The following CNBD1 variants were observed in gnomAD, a reference collection of about 807,000 sequenced individuals.
CNBD1 encodes cyclic nucleotide binding domain containing 1, also known as cyclic nucleotide-binding domain-containing protein 1.
A neutral mutation model predicts 54.4 loss-of-function variants in CNBD1; 71 were observed. The observed-to-expected ratio is 1.30, with a 90% CI of 1.08 to 1.59. The LOEUF is 1.59. Among genes scored for constraint, CNBD1 ranks in the 40% most tolerant of loss-of-function variants. The probability of loss-of-function intolerance (pLI) is 0.00; values close to 1 mark genes in which losing one functional copy is unlikely to be tolerated. For missense variants in CNBD1, 659 were observed against 518.0 expected, an observed-to-expected ratio of 1.27 and a Z score of -2.64; for synonymous variants, 182 against 170.7, an observed-to-expected ratio of 1.07 and a Z score of -0.51.
chr8:87,213,986 GC>G (rs532589024), intron 5 of CNBD1, among the ~76,000 whole-genome samples: 118 of 152,314 alleles, frequency 7.7e-4, no homozygotes, highest in Admixed American at 2.2e-3. Context: ...CCAAAATGCA[GC>G]TGGGCAGTCA....
At chr8:87,229,358 G>A (rs1013569805) in intron 5 of CNBD1, among the ~76,000 whole-genome samples, 2 of 152,048 alleles carry the variant, frequency 1.3e-5, no homozygotes, top group African/African-American at 4.8e-5. Context: ...AGGAATCCAT[G>A]CTATTTGTTT....
intron 4 of CNBD1, among the ~76,000 whole-genome samples, chr8:86,983,794 C>G (rs1808543271): frequency 6.6e-6 from 1 of 152,104 alleles, no homozygotes; most frequent in South Asian, 2.1e-4. Flanking sequence ...GAATTGGGTG[C>G]TGTTAAAAGC....
chr8:86,867,051 A>G (rs1808375600), intron 1 of CNBD1, among the ~76,000 whole-genome samples: 1 of 152,170 alleles, frequency 6.6e-6, no homozygotes, highest in Non-Finnish European at 1.5e-5. Flanking sequence ...TCTGACTGTG[A>G]AATTTATTCC....
intron 3 of CNBD1, among the ~76,000 whole-genome samples, chr8:86,910,291 A>G (rs769076940): frequency 3.4e-4 from 51 of 152,188 alleles, no homozygotes; most frequent in Non-Finnish European, 5.0e-4. Context: ...ATCCCTGCTC[A>G]TATTTGTAGA....
At chr8:87,032,061 C>G (rs1232343205) in intron 4 of CNBD1, among the ~76,000 whole-genome samples, 3 of 152,180 alleles carry the variant, frequency 2.0e-5, no homozygotes, top group Admixed American at 6.5e-5. Context: ...CTTTATATAT[C>G]TCTAAACAAA....
At chr8:87,285,399 ACTC>A (rs1247137407) in intron 7 of CNBD1, among the ~76,000 whole-genome samples, 3 of 151,918 alleles carry the variant, frequency 2.0e-5, no homozygotes, top group Non-Finnish European at 4.4e-5. Flanking sequence ...TTTTTTCTTG[ACTC>A]CTATTTTTCC....
intron 4 of CNBD1, among the ~76,000 whole-genome samples, chr8:87,127,321 T>C (rs556796524): frequency 6.6e-6 from 1 of 152,238 alleles, no homozygotes; most frequent in South Asian, 2.1e-4. Flanking sequence ...TTTTAGGTCC[T>C]CTCTAATTTC....
rs570702463 is a variant in CNBD1 at position 86,994,925 on chromosome 8, A to G, written c.431+55171A>G. ...GAGTGGAGGATATAGGTTGTGTGCTACGTATGGGTCAAGGAAGAGGCCTTT... is the reference window on the plus strand; with the variant it reads ...GAGTGGAGGATATAGGTTGTGTGCTGCGTATGGGTCAAGGAAGAGGCCTTT... On this transcript the variant is annotated intron_variant, in intron 4 of 10. Transcript: ENST00000518476. Among the ~76,000 whole-genome samples the G allele has an allele frequency of 3.4e-4, 52 of 152,220 alleles. 1 individual carries two copies. In the Middle Eastern group the frequency reaches 0.01, roughly 30 times the overall value.
chr8:87,193,100 G>T (rs1286626976), intron 4 of CNBD1, among the ~76,000 whole-genome samples: 1 of 152,062 alleles, frequency 6.6e-6, no homozygotes, highest in South Asian at 2.1e-4. Context: ...CAGAGATTAA[G>T]CATTCAATGA....
intron 8 of CNBD1, 122 bp downstream of exon 8, chr8:87,286,793 G>C: frequency 1.4e-6 from 1 of 713,390 alleles, no homozygotes; most frequent in Non-Finnish European, 2.3e-6. Context: ...TAATTTATTT[G>C]ATAATAACAT....
intron 8 of CNBD1, 90 bp from the exon 9 acceptor site, chr8:87,351,595 A>G (rs536030771): frequency 8.3e-7 from 1 of 1,203,094 alleles, no homozygotes; most frequent in African/African-American, 1.6e-5. Flanking sequence ...TAGTTATTGA[A>G]TTAAATACAT....
At chr8:86,979,659 A>G (rs1743451537) in intron 4 of CNBD1, among the ~76,000 whole-genome samples, 1 of 152,170 alleles carries the variant, frequency 6.6e-6, no homozygotes, top group Non-Finnish European at 1.5e-5. Flanking sequence ...TTCTGGATAA[A>G]TAAATATTAC....
intron 6 of CNBD1, among the ~76,000 whole-genome samples, chr8:87,275,932 G>A (rs1808470344): frequency 6.6e-6 from 1 of 151,626 alleles, no homozygotes; most frequent in Admixed American, 6.6e-5. Context: ...ACCAATAACA[G>A]ACAGAGAGCC....
intron 4 of CNBD1, among the ~76,000 whole-genome samples, chr8:87,095,866 G>C (rs1020682438): frequency 2.6e-5 from 4 of 152,138 alleles, no homozygotes; most frequent in Non-Finnish European, 5.9e-5. Flanking sequence ...CACTGTGTTA[G>C]CCAGGATGGT....
rs1452160666 is a variant in CNBD1 at position 87,325,998 on chromosome 8, G to T, written c.1043-25687G>T. Among the ~76,000 whole-genome samples, 13 of 109,324 alleles carry T rather than the reference G, an allele frequency of 1.2e-4. 3 individuals are homozygous for T. Among genetic ancestry groups the T allele is most frequent in the Non-Finnish European group, 2.6e-4 (13 of 50,100 alleles). 71.7% of individuals were successfully genotyped at this position (109,324 alleles called of 152,430 possible). A position where few individuals can be genotyped will look rare whatever the true frequency, so the allele number is the denominator to read the frequency against. ...TCAGGAGCTCTTTTAGGGCAGGCCT[G>T]GTGGTGACAAAATCTCTCAGCATTT... is the stretch of plus-strand genomic sequence containing the variant. On this transcript the variant is annotated intron_variant, in intron 8 of 10. Coordinates refer to ENST00000518476, the MANE Select transcript of CNBD1 (RefSeq NM_173538.3).
chr8:86,873,278 T>G (rs143725596), intron 1 of CNBD1, among the ~76,000 whole-genome samples: 8,423 of 151,838 alleles, frequency 0.055, 322 homozygotes, highest in Middle Eastern at 0.095. Context: ...ATTTTGTATT[T>G]TTAGTAGAGA....
At chr8:86,883,146 A>C (rs12679942) in intron 1 of CNBD1, among the ~76,000 whole-genome samples, 73,024 of 151,848 alleles carry the variant, frequency 0.48, 17,808 homozygotes, top group East Asian at 0.56. Context: ...ATATAACAAA[A>C]CTGCACAACC....
At chr8:87,137,105 T>TTATA (rs1491188051) in intron 4 of CNBD1, among the ~76,000 whole-genome samples, 2 of 89,944 alleles carry the variant, frequency 2.2e-5, no homozygotes, top group Non-Finnish European at 4.2e-5. Context: ...TATATGTAAA[T>TTATA]TATATATATT....
chr8:87,284,124 T>C (rs1808648581), intron 6 of CNBD1, among the ~76,000 whole-genome samples: 1 of 152,088 alleles, frequency 6.6e-6, no homozygotes, highest in Non-Finnish European at 1.5e-5. Flanking sequence ...TGAGTAAATA[T>C]AAATGTAGGT....
Sources: allele counts gnomAD v4.1 joint callset (sites outside exome capture counted in the v4.1 genomes callset), GRCh38; gene constraint gnomAD v4.1.1; transcripts MANE v1.5; gene names NCBI Gene and HGNC (gene_info 2026-07-23, HGNC 2026-07-21).